DPP10: variants seen among roughly 807,000 people sequenced by gnomAD.
DPP10 encodes dipeptidyl peptidase like 10, also known as inactive dipeptidyl peptidase 10.
In DPP10, 33 loss-of-function variants were observed where a neutral mutation model predicts 120.9. The ratio of observed to expected loss-of-function variants is 0.27; its 90% CI spans 0.21 to 0.37. The LOEUF (loss-of-function observed/expected upper bound fraction) is 0.37. Ranked by LOEUF, DPP10 falls within the 10% of genes least tolerant of loss-of-function variation. The pLI is 1.00. For synonymous variants in DPP10, 337 were observed against 326.1 expected (o/e 1.03, Z -0.36); for missense variants, 816 against 942.8 (o/e 0.87, Z 1.76).
At chr2:115,117,980 C>T (rs554740862) in intron 1 of DPP10, among the ~76,000 whole-genome samples, 28 of 152,246 alleles carry the variant, frequency 1.8e-4, no homozygotes, top group African/African-American at 6.0e-4. Context: ...AATGCAATAA[C>T]CACTCACTGT....
chr2:115,836,461 A>G (rs1038722349), intron 22 of DPP10, 46 bp from the exon 23 acceptor site: 2 of 1,585,320 alleles, frequency 1.3e-6, no homozygotes, highest in East Asian at 2.2e-5. Flanking sequence ...ATGCCAGTCA[A>G]ATAGTTTTTA....
chr2:114,568,148 G>A (rs1689350668), intron 1 of DPP10, among the ~76,000 whole-genome samples: 1 of 151,070 alleles, frequency 6.6e-6, no homozygotes, highest in African/African-American at 2.4e-5. Flanking sequence ...GTAATGAAAA[G>A]GCCTTCCCCA....
At chr2:115,187,766 C>T (rs2105199975) in intron 1 of DPP10, among the ~76,000 whole-genome samples, 1 of 152,244 alleles carries the variant, frequency 6.6e-6, no homozygotes, top group East Asian at 1.9e-4. Context: ...CTTTGGGAGG[C>T]TGAGGCGGTC....
intron 1 of DPP10, among the ~76,000 whole-genome samples, chr2:114,880,463 G>A (rs1691513434): frequency 6.6e-6 from 1 of 152,116 alleles, no homozygotes; most frequent in African/African-American, 2.4e-5. Context: ...ACCTAGGAGG[G>A]CAGAGTTTAG....
chr2:115,729,849 G>A (rs1251070706), intron 8 of DPP10, among the ~76,000 whole-genome samples: 2 of 151,948 alleles, frequency 1.3e-5, no homozygotes, highest in African/African-American at 4.8e-5. Context: ...AGCCTGAACA[G>A]TTAACAAGTG....
chr2:115,262,597 A>G (rs1470744999), intron 1 of DPP10, among the ~76,000 whole-genome samples: 4 of 152,156 alleles, frequency 2.6e-5, no homozygotes, highest in Admixed American at 6.5e-5. Flanking sequence ...GTCTTGGTCA[A>G]TAATTGATAT....
intron 1 of DPP10, among the ~76,000 whole-genome samples, chr2:114,954,662 A>G (rs918430237): frequency 1.4e-4 from 22 of 152,128 alleles, no homozygotes; most frequent in African/African-American, 5.1e-4. Context: ...AGAACAATGA[A>G]ACTAAGTGTT....
At chr2:114,548,317 G>A (rs557445700) in intron 1 of DPP10, among the ~76,000 whole-genome samples, 9 of 152,244 alleles carry the variant, frequency 5.9e-5, no homozygotes, top group African/African-American at 1.9e-4. Context: ...AAATGGTGAT[G>A]TCATGTTAAG....
chr2:114,581,508 T>C (rs956841135), intron 1 of DPP10, among the ~76,000 whole-genome samples: 4 of 152,180 alleles, frequency 2.6e-5, no homozygotes, highest in Non-Finnish European at 4.4e-5. Context: ...ATTTTCTATA[T>C]ACATGCAGAT....
rs1700038827 is a variant in DPP10 at position 114,980,832 on chromosome 2, T to A, written c.61-328407T>A. Among the ~76,000 whole-genome samples the A allele has an allele frequency of 2.0e-5, 3 of 152,112 alleles. No individual in the cohort carries two copies. In the South Asian group the frequency reaches 6.2e-4, roughly 31 times the overall value. On this transcript the variant is annotated intron_variant, in intron 1 of 25. Transcript: ENST00000410059. ...AACTATCAGTTTCATATGCCTGATTTTTTTTTACAATAAGCATGTTATATT... is the reference window on the plus strand; with the variant it reads ...AACTATCAGTTTCATATGCCTGATTATTTTTTACAATAAGCATGTTATATT...
chr2:114,634,646 C>T (rs1017739506), intron 1 of DPP10, among the ~76,000 whole-genome samples: 2 of 151,716 alleles, frequency 1.3e-5, no homozygotes, highest in Non-Finnish European at 2.9e-5. Flanking sequence ...TTTATTTTAC[C>T]CACTTATGAA....
At chr2:115,497,924 A>G (rs1163792790) in intron 3 of DPP10, among the ~76,000 whole-genome samples, 1 of 151,216 alleles carries the variant, frequency 6.6e-6, no homozygotes, top group African/African-American at 2.4e-5. Flanking sequence ...GCATCAACAG[A>G]AAGGAAAACA....
chr2:114,881,636 C>CTATG (rs1691654046), intron 1 of DPP10, among the ~76,000 whole-genome samples: 1 of 151,374 alleles, frequency 6.6e-6, no homozygotes, highest in African/African-American at 2.4e-5. Context: ...ATCTATCTAT[C>CTATG]TATCTATGCT....
chr2:114,533,908 T>C (rs899368300), intron 1 of DPP10, among the ~76,000 whole-genome samples: 3 of 152,198 alleles, frequency 2.0e-5, no homozygotes, highest in Non-Finnish European at 2.9e-5. Flanking sequence ...GTCCTTTACA[T>C]CTAAAAACTC....
chr2:115,434,963 A>G (rs752869836), intron 3 of DPP10, among the ~76,000 whole-genome samples: 3 of 151,794 alleles, frequency 2.0e-5, no homozygotes, highest in African/African-American at 2.4e-5. Flanking sequence ...TTCACTTAAC[A>G]TAATGGCTTC....
At chr2:114,800,163 C>T (rs1300527347) in intron 1 of DPP10, among the ~76,000 whole-genome samples, 1 of 152,052 alleles carries the variant, frequency 6.6e-6, no homozygotes, top group Non-Finnish European at 1.5e-5. Context: ...ATTATTGAAA[C>T]AAGGGGCAAA....
intron 1 of DPP10, among the ~76,000 whole-genome samples, chr2:114,702,398 G>T (rs1700438170): frequency 6.6e-6 from 1 of 151,942 alleles, no homozygotes; most frequent in Non-Finnish European, 1.5e-5. Context: ...GCATCACAGT[G>T]GGCGATCTCT....
At chr2:115,818,603 G>C (rs890422000) in intron 21 of DPP10, among the ~76,000 whole-genome samples, 17 of 152,206 alleles carry the variant, frequency 1.1e-4, no homozygotes, top group Non-Finnish European at 2.2e-4. Context: ...CACAGTGTCA[G>C]TGAAGGGAGC....
intron 1 of DPP10, among the ~76,000 whole-genome samples, chr2:114,742,409 G>C (rs954749590): frequency 6.6e-6 from 1 of 152,218 alleles, no homozygotes; most frequent in African/African-American, 2.4e-5. Context: ...GCAATGGCAC[G>C]TAGATAGTTC....
Sources: gnomAD v4.1 joint callset for allele counts (sites outside exome capture counted in the v4.1 genomes callset) on GRCh38, gnomAD v4.1.1 for gene constraint, MANE v1.5 for transcripts, NCBI Gene and HGNC (gene_info 2026-07-23, HGNC 2026-07-21) for gene names.